Variants in GFM1 observed in about 807,000 individuals in gnomAD.
GFM1 encodes the protein elongation factor G, mitochondrial.
Under a neutral mutation model 96.2 loss-of-function variants are expected in GFM1, and 62 were observed. That is an observed-to-expected ratio of 0.64 (90% CI 0.53 to 0.80). The LOEUF is 0.80. GFM1 is among the 30% of genes least tolerant of loss of function. The pLI is 0.00. For missense variants in GFM1, 852 were observed against 916.6 expected, an observed-to-expected ratio of 0.93 and a Z score of 0.91; for synonymous variants, 282 against 312.9, an observed-to-expected ratio of 0.90 and a Z score of 1.04.
At chr3:158,688,508 T>C (rs1001907149) in intron 15 of GFM1, among the ~76,000 whole-genome samples, 6 of 152,234 alleles carry the variant, frequency 3.9e-5, no homozygotes, top group African/African-American at 1.4e-4. Context: ...ACAATCTAGA[T>C]GTTTTACATT....
intron 13 of GFM1, chr3:158,672,460 TGGTC>T: frequency 6.2e-7 from 1 of 1,614,088 alleles, no homozygotes; most frequent in Non-Finnish European, 8.5e-7. Context: ...GCTGGGTAGT[TGGTC>T]GGCGGGATTT....
At chr3:158,650,307 T>C in intron 5 of GFM1, 2 of 493,772 alleles carry the variant, frequency 4.1e-6, no homozygotes, top group South Asian at 2.4e-5. Flanking sequence ...GAACAACTAG[T>C]TACAACTAGG....
intron 12 of GFM1, 47 bp downstream of exon 12, chr3:158,665,521 TG>T: frequency 6.6e-7 from 1 of 1,517,920 alleles, no homozygotes; most frequent in Non-Finnish European, 9.1e-7. Context: ...TATTACTGTC[TG>T]TTTCATTAAA....
In GFM1 at chr3:158,666,769, A is replaced by G. The variant is rs752579879; in HGVS notation, c.1601+383A>G. ...CCTGCAAGTGAAGAAAATTAATGCC[A>G]TGATAAAATTCAGAAAACATTTAGG... On this transcript the variant is annotated intron_variant, in intron 13 of 17. Coordinates refer to ENST00000486715, the MANE Select transcript of GFM1 (RefSeq NM_024996.7). 1.4e-5 allele frequency: 22 copies of G among 1,589,914 alleles called. No individual in the cohort carries two copies. The Admixed American group carries it at 2.0e-4, about 15-fold the overall frequency.
chr3:158,646,580 A>G (rs1560127612), intron 3 of GFM1, among the ~76,000 whole-genome samples, 163 bp from the exon 4 acceptor site: 1 of 152,230 alleles, frequency 6.6e-6, no homozygotes, highest in Non-Finnish European at 1.5e-5. Context: ...TGATCTTGCC[A>G]GGCCCTGCAC....
In GFM1 at chr3:158,655,912, C is replaced by T. The variant is rs117087882; in HGVS notation, c.1083+1281C>T. 9.4e-5 allele frequency: 43 copies of T among 457,304 alleles called. 1 individual carries two copies. In the East Asian group the frequency reaches 2.6e-3, roughly 27 times the overall value. The allele number at this position is 457,304 out of a possible 1,614,324, so 28.3% of individuals were successfully genotyped here. On this transcript the variant is annotated intron_variant, in intron 8 of 17. Transcript: ENST00000486715. Reference sequence around the variant, plus strand: ...TCATGTCTCCTTATGATCTCCTAGGCTGTAATAGTTTCTTAGACTTTCCTT... The same window carrying T: ...TCATGTCTCCTTATGATCTCCTAGGTTGTAATAGTTTCTTAGACTTTCCTT...
In GFM1 at chr3:158,649,069, A is replaced by G; in HGVS notation, c.601A>G (p.Met201Val). ...TAAACTAAATCATAATGCAGCGTTT[A>G]TGCAGATACCCATGGGTTTGGAGGG... is the stretch of plus-strand genomic sequence containing the variant. ...RSKLNHNAAF[M>V]QIPMGLEGNF... Residue 201 changes from methionine to valine, a missense_variant, in exon 5 of 18, where the codon ATG becomes GTG. Transcript: ENST00000486715. 1.3e-6 allele frequency: 2 copies of G among 1,549,488 alleles called. No homozygotes were observed. The highest frequency in any genetic ancestry group is 1.7e-5 in the Admixed American group (1 of 59,942).
At chr3:158,648,891 A>G (rs762630742) in intron 4 of GFM1, 150 bp from the exon 5 acceptor site, 9 of 595,010 alleles carry the variant, frequency 1.5e-5, no homozygotes, top group Admixed American at 7.3e-5. Flanking sequence ...GTCTGTTCCC[A>G]GCTGCTTTAT....
intron 13 of GFM1, 129 bp from the exon 14 acceptor site, chr3:158,681,866 T>G: frequency 2.4e-6 from 2 of 845,298 alleles, no homozygotes; most frequent in Non-Finnish European, 3.7e-6. Flanking sequence ...ACAATAAACT[T>G]TTATAGCAAG....
chr3:158,662,709 T>C (rs757573588), intron 11 of GFM1, 25 bp downstream of exon 11: 1 of 1,397,456 alleles, frequency 7.2e-7, no homozygotes. Flanking sequence ...TAAAGCTCAG[T>C]ATATCACAAT....
Position 158,646,163 on chromosome 3 carries a change from A to G in GFM1, c.235-2A>G. 4 of 1,614,168 alleles carry G rather than the reference A, an allele frequency of 2.5e-6. No individual in the cohort carries two copies. The highest frequency in any genetic ancestry group is 3.4e-6 in the Non-Finnish European group (4 of 1,179,998). On this transcript the variant is annotated splice_acceptor_variant, in intron 2 of 17. Transcript: ENST00000486715. LOFTEE classifies it high-confidence loss of function. ...AGTCTGAATTGCTGTGCTTGTGTTT[A>G]GGTGAAAGGTAAAGATGGAGTTGGT...
At chr3:158,690,893 T>C (rs774853223) in intron 16 of GFM1, among the ~76,000 whole-genome samples, 1 of 152,212 alleles carries the variant, frequency 6.6e-6, no homozygotes. Context: ...AGGCTGTCAA[T>C]GGTGTTCACT....
intron 1 of GFM1, chr3:158,644,976 TA>T (rs1721637596): frequency 5.3e-6 from 2 of 379,668 alleles, no homozygotes; most frequent in Middle Eastern, 7.2e-4. Flanking sequence ...CCACCTTTTC[TA>T]AGGTTTTTTT....
chr3:158,673,245 A>T (rs1724535788), intron 13 of GFM1, among the ~76,000 whole-genome samples: 1 of 152,216 alleles, frequency 6.6e-6, no homozygotes, highest in Non-Finnish European at 1.5e-5. Flanking sequence ...ATAAGTTTTG[A>T]TGTAACGCCA....
chr3:158,682,497 C>A, intron 14 of GFM1: 1 of 252,014 alleles, frequency 4.0e-6, no homozygotes, highest in Admixed American at 5.0e-5. Flanking sequence ...GCAGAATGAT[C>A]ATTCTTTAGA....
chr3:158,648,570 C>T (rs530972384), intron 4 of GFM1, among the ~76,000 whole-genome samples: 3 of 150,942 alleles, frequency 2.0e-5, no homozygotes, highest in Admixed American at 6.6e-5. Flanking sequence ...CCCAGCTACT[C>T]GGGAGGCTGA....
chr3:158,684,317 G>A (rs371102778), intron 14 of GFM1, among the ~76,000 whole-genome samples: 29 of 152,006 alleles, frequency 1.9e-4, no homozygotes, highest in African/African-American at 6.5e-4. Flanking sequence ...GTTTACCTAT[G>A]TAACAAAACT....
Position 158,645,777 on chromosome 3 carries a change from A to G in GFM1, c.230A>G (p.His77Arg). Reference sequence around the variant, plus strand: ...TACACTGGCAGAATTGCAAAGATGCATGAGGTATATATTCACGGTTGATTC... The same window carrying G: ...TACACTGGCAGAATTGCAAAGATGCGTGAGGTATATATTCACGGTTGATTC... ...LYYTGRIAKM[H>R]EVKGKDGVGA... Residue 77 changes from histidine to arginine, a missense_variant, in exon 2 of 18, where the codon CAT (histidine) becomes CGT (arginine). By Grantham distance (29) the His-to-Arg change is conservative. Coordinates refer to ENST00000486715, the MANE Select transcript of GFM1 (RefSeq NM_024996.7). 1.9e-6 allele frequency: 3 copies of G among 1,610,486 alleles called. No homozygotes were observed. The highest frequency in any genetic ancestry group is 2.5e-6 in the Non-Finnish European group (3 of 1,176,672).
intron 13 of GFM1, chr3:158,668,948 C>T (rs1492909): frequency 0.36 from 526,212 of 1,449,882 alleles, 99,840 homozygotes; most frequent in African/African-American, 0.6. Context: ...ACAATACTTT[C>T]GATAAATATT....
Sources: gnomAD v4.1 joint callset for allele counts (sites outside exome capture counted in the v4.1 genomes callset) on GRCh38, gnomAD v4.1.1 for gene constraint, MANE v1.5 for transcripts, NCBI Gene and HGNC (gene_info 2026-07-23, HGNC 2026-07-21) for gene names.